Variants in ARHGEF16 observed in about 807,000 individuals in gnomAD.
ARHGEF16 encodes the protein Rho guanine exchange factor (GEF) 16.
In ARHGEF16, 59 loss-of-function variants were observed where a neutral mutation model predicts 74.1. The observed-to-expected ratio is 0.80, with a 90% confidence interval of 0.65 to 0.99. The LOEUF is 0.99. Among genes scored for constraint, ARHGEF16 ranks in the 50% least tolerant of loss-of-function variants. The probability of loss-of-function intolerance (pLI) is 0.00; values close to 1 mark genes in which losing one functional copy is unlikely to be tolerated. For synonymous variants in ARHGEF16, 415 were observed against 412.6 expected (o/e 1.01, Z -0.07); for missense variants, 948 against 986.6 (o/e 0.96, Z 0.52).
At chr1:3,472,839 G>C (rs926955742) in intron 6 of ARHGEF16, 1 of 531,332 alleles carries the variant, frequency 1.9e-6, no homozygotes, top group Non-Finnish European at 3.3e-6. Flanking sequence ...GATCGTGGCA[G>C]GGGGCTCTGT....
At chr1:3,462,664 C>G (rs1341049449) in intron 1 of ARHGEF16, among the ~76,000 whole-genome samples, 1 of 152,198 alleles carries the variant, frequency 6.6e-6, no homozygotes, top group African/African-American at 2.4e-5. Context: ...CTTCAGGGCT[C>G]CAGGGCCATG....
chr1:3,473,878 G>A (rs565275104), intron 8 of ARHGEF16: 1 of 358,368 alleles, frequency 2.8e-6, no homozygotes, highest in Non-Finnish European at 5.2e-6. Flanking sequence ...TGGTAGCCCT[G>A]TCCCTGGCAC....
intron 4 of ARHGEF16, chr1:3,468,674 G>A (rs1447103391): frequency 1.3e-5 from 8 of 606,124 alleles, no homozygotes; most frequent in Admixed American, 8.3e-5. Context: ...GGAGCGGGGG[G>A]CTGACCCAAG....
intron 3 of ARHGEF16, 110 bp downstream of exon 3, chr1:3,466,303 AG>A: frequency 8.2e-7 from 1 of 1,216,218 alleles, no homozygotes. Context: ...GGGTCACCAA[AG>A]CTGCTTGACA....
intron 9 of ARHGEF16, 52 bp downstream of exon 9, chr1:3,474,834 T>TGCCCCCCCCCCC: frequency 6.5e-7 from 1 of 1,528,032 alleles, no homozygotes; most frequent in Admixed American, 1.7e-5. Flanking sequence ...CCCGACCCTG[T>TGCCCCCCCCCCC]CCCCACCCAA....
At chr1:3,467,768 C>T (rs1017750270) in intron 4 of ARHGEF16, among the ~76,000 whole-genome samples, 12 of 152,280 alleles carry the variant, frequency 7.9e-5, no homozygotes, top group African/African-American at 2.6e-4. Flanking sequence ...CGTCCCTGCC[C>T]TGCAGGGGTC....
At chr1:3,469,772 C>G (rs543432504) in intron 6 of ARHGEF16, among the ~76,000 whole-genome samples, 179 bp downstream of exon 6, 2 of 152,222 alleles carry the variant, frequency 1.3e-5, no homozygotes, top group Non-Finnish European at 2.9e-5. Context: ...CTTGAGGCCA[C>G]CAAGAGCTGG....
chr1:3,455,017 T>A (rs1639234129), intron 1 of ARHGEF16, among the ~76,000 whole-genome samples: 1 of 151,670 alleles, frequency 6.6e-6, no homozygotes, highest in Non-Finnish European at 1.5e-5. Context: ...GCTCGCGGGC[T>A]GAGCCGGATG....
rs146524188 is a variant in ARHGEF16 at position 3,460,353 on chromosome 1, T to C, written c.-19-2713T>C. On this transcript the variant is annotated intron_variant, in intron 1 of 14. Transcript: ENST00000378378. ...GGACGTGGTCAGGGACAGTCAGGCCTGGGCAGTCTGGCCCCATTAGGAAGG... is the reference window on the plus strand; with the variant it reads ...GGACGTGGTCAGGGACAGTCAGGCCCGGGCAGTCTGGCCCCATTAGGAAGG... Among the ~76,000 whole-genome samples, 4 of 152,300 alleles carry C rather than the reference T, an allele frequency of 2.6e-5. No homozygotes were observed. In the East Asian group the frequency reaches 7.7e-4, roughly 29 times the overall value.
chr1:3,477,742 T>C (rs1639928213), intron 10 of ARHGEF16, 133 bp from the exon 11 acceptor site: 1 of 800,332 alleles, frequency 1.2e-6, no homozygotes, highest in Non-Finnish European at 2.0e-6. Flanking sequence ...AGCCAGCTGG[T>C]CACCCAGTCC....
chr1:3,477,840 G>A (rs111939802), intron 10 of ARHGEF16, 35 bp from the exon 11 acceptor site: 9 of 1,605,608 alleles, frequency 5.6e-6, no homozygotes, highest in African/African-American at 2.7e-5. Flanking sequence ...CCAGTCCCTC[G>A]CACTGATCTC....
Position 3,475,986 on chromosome 1 carries a change from A to G in ARHGEF16, c.1397A>G (p.Asn466Ser). Residue 466 changes from asparagine to serine, a missense_variant, in exon 10 of 15, where the codon AAC becomes AGC. Physicochemically the swap from Asn to Ser is conservative, Grantham distance 46. Coordinates refer to ENST00000378378, the MANE Select transcript of ARHGEF16 (RefSeq NM_014448.4). The stretch of plus-strand genomic sequence containing the variant: ...GCCCTGCAGCTGGTGAGGCAGTGCA[A>G]CGAGGGGGCCCACAGGATGGAGCGC... ...KAISKLVRQC[N>S]EGAHRMERME... 6.4e-7 allele frequency: 1 copy of G among 1,554,410 alleles called. No individual in the cohort carries two copies. The highest frequency in any genetic ancestry group is 8.7e-7 in the Non-Finnish European group (1 of 1,149,034).
At chr1:3,456,495 T>TC (rs1048666802) in intron 1 of ARHGEF16, among the ~76,000 whole-genome samples, 1 of 151,680 alleles carries the variant, frequency 6.6e-6, no homozygotes, top group Non-Finnish European at 1.5e-5. Flanking sequence ...GAACCCCCAC[T>TC]CCCCCCGGTC....
At position 3,469,586 on chromosome 1, in the gene ARHGEF16, A is replaced by G; in HGVS notation, c.1015A>G (p.Ser339Gly). The change falls in exon 6 of 15, where the codon AGT becomes GGT. Residue 339 changes from serine to glycine, a missense_variant. Coordinates refer to ENST00000378378, the MANE Select transcript of ARHGEF16 (RefSeq NM_014448.4). ...CAACATCCTGGATGTCCTGGGTGCC[A>G]GTCAGAGGTGAGGCCACGCCACAGC... is the stretch of plus-strand genomic sequence containing the variant. The part of the protein sequence containing the change: ...FSNILDVLGA[S>G]QRFFEDLEQR... The G allele has an allele frequency of 1.9e-6, 3 of 1,612,828 alleles. No homozygotes were observed. Among genetic ancestry groups the G allele is most frequent in the Middle Eastern group, 1.6e-4 (1 of 6,062 alleles).
chr1:3,463,211 C>T lies in ARHGEF16; in HGVS notation c.127C>T (p.Arg43Cys), dbSNP rs757428713. ...GCTCCCAATGGTCCGTGGCTCCCCG[C>T]GTGTTAGAGACGATGCCGCCTTCCA... ...SGLPMVRGSP[R>C]VRDDAAFQPQ... Residue 43 changes from arginine to cysteine, a missense_variant, in exon 2 of 15, where the codon CGT (arginine) becomes TGT (cysteine). Physicochemically the swap from Arg to Cys is radical, Grantham distance 180. Coordinates refer to ENST00000378378, the MANE Select transcript of ARHGEF16 (RefSeq NM_014448.4). 4 of 1,546,282 alleles carry T rather than the reference C, an allele frequency of 2.6e-6. No individual in the cohort carries two copies. Among genetic ancestry groups the T allele is most frequent in the South Asian group, 2.4e-5 (2 of 83,856 alleles).
At chr1:3,455,936 G>C (rs1292012740) in intron 1 of ARHGEF16, among the ~76,000 whole-genome samples, 1 of 152,212 alleles carries the variant, frequency 6.6e-6, no homozygotes, top group Non-Finnish European at 1.5e-5. Flanking sequence ...ACAGCCAGCA[G>C]AGGGGAACAG....
intron 1 of ARHGEF16, among the ~76,000 whole-genome samples, chr1:3,456,837 G>C (rs1639277020): frequency 6.6e-6 from 1 of 152,250 alleles, no homozygotes; most frequent in Non-Finnish European, 1.5e-5. Flanking sequence ...GTCTCATTCA[G>C]AGCCGGAGCT....
intron 5 of ARHGEF16, among the ~76,000 whole-genome samples, chr1:3,469,193 G>T (rs1245104003): frequency 1.3e-5 from 2 of 152,180 alleles, no homozygotes; most frequent in Non-Finnish European, 2.9e-5. Context: ...CTCTGACAAG[G>T]ACGGGGGTCG....
At position 3,463,725 on chromosome 1, in the gene ARHGEF16, G is replaced by A. The variant is rs537219799; in HGVS notation, c.588+53G>A. 66 of 1,323,190 alleles carry A rather than the reference G, an allele frequency of 5.0e-5. 1 individual carries two copies. Among genetic ancestry groups the A allele is most frequent in the African/African-American group, 3.8e-4 (26 of 68,082 alleles). The allele number at this position is 1,323,190 out of a possible 1,614,324, so 82.0% of individuals were successfully genotyped here. ...GGAGGGGGCTGCTAGGCAGAGGGGCGGCCTGGCCGTCTCCACCACCGTCAT... is the reference window on the plus strand; with the variant it reads ...GGAGGGGGCTGCTAGGCAGAGGGGCAGCCTGGCCGTCTCCACCACCGTCAT... On this transcript the variant is annotated intron_variant, in intron 2 of 14. Coordinates refer to ENST00000378378, the MANE Select transcript of ARHGEF16 (RefSeq NM_014448.4).
Sources: gnomAD v4.1 joint callset for allele counts (sites outside exome capture counted in the v4.1 genomes callset) on GRCh38, gnomAD v4.1.1 for gene constraint, MANE v1.5 for transcripts, NCBI Gene and HGNC (gene_info 2026-07-23, HGNC 2026-07-21) for gene names.